Variants in NMNAT3 observed in about 807,000 individuals in gnomAD.
NMNAT3 encodes nicotinamide nucleotide adenylyltransferase 3.
NMNAT3 carries 21 observed loss-of-function variants against 24.8 expected under a neutral mutation model. That is an observed-to-expected ratio of 0.85 (90% confidence interval 0.60 to 1.22). The LOEUF (loss-of-function observed/expected upper bound fraction) is 1.22, where lower values mean the gene tolerates loss of function less well. Ranked by LOEUF, NMNAT3 falls within the 50% of genes most tolerant of loss-of-function variation. The pLI is 0.00. For synonymous variants in NMNAT3, 136 were observed against 155.2 expected, an observed-to-expected ratio of 0.88 and a Z score of 0.92; for missense variants, 387 against 436.6, an observed-to-expected ratio of 0.89 and a Z score of 1.01.
chr3:139,570,133 A>G (rs1457137580), intron 6 of NMNAT3: 1 of 152,152 alleles, frequency 6.6e-6, no homozygotes, highest in South Asian at 2.1e-4. Flanking sequence ...AGTTGATCGC[A>G]TCGGCTCCTG....
chr3:139,567,809 T>G (rs1480106162), intron 6 of NMNAT3: 1 of 152,166 alleles, frequency 6.6e-6, no homozygotes, highest in African/African-American at 2.4e-5. Flanking sequence ...TCTCTTTTTT[T>G]GTTGTGTCTC....
chr3:139,617,075 A>G (rs2055541392), intron 3 of NMNAT3, among the ~76,000 whole-genome samples: 1 of 152,154 alleles, frequency 6.6e-6, no homozygotes, highest in East Asian at 1.9e-4. Context: ...GAAGTACCTC[A>G]TCATTCTCCT....
chr3:139,670,510 A>C (rs1485135878), intron 1 of NMNAT3, among the ~76,000 whole-genome samples: 1 of 152,214 alleles, frequency 6.6e-6, no homozygotes, highest in Non-Finnish European at 1.5e-5. Context: ...GTCCACTTTC[A>C]AATAAACTAC....
chr3:139,596,924 A>G (rs1208750492), intron 3 of NMNAT3, among the ~76,000 whole-genome samples: 553 of 16,936 alleles, frequency 0.033, 33 homozygotes, highest in Middle Eastern at 0.047. Flanking sequence ...GTGTATATAT[A>G]TATATATATA....
chr3:139,656,371 A>T (rs904209734), intron 1 of NMNAT3, among the ~76,000 whole-genome samples: 1 of 152,214 alleles, frequency 6.6e-6, no homozygotes, highest in Non-Finnish European at 1.5e-5. Context: ...AATGAGCTTA[A>T]CAGTTTTGTT....
intron 3 of NMNAT3, among the ~76,000 whole-genome samples, chr3:139,591,628 G>A (rs535048698): frequency 6.6e-5 from 10 of 152,296 alleles, no homozygotes; most frequent in Middle Eastern, 3.4e-3. Context: ...ATCTGAGAAC[G>A]GGCAGACTGC....
At position 139,561,054 on chromosome 3, in the gene NMNAT3, A is replaced by G. The variant is rs1327879414; in HGVS notation, c.997T>C (p.Trp333Arg). 1 of 1,613,748 alleles carries G rather than the reference A, an allele frequency of 6.2e-7. No individual in the cohort carries two copies. Among genetic ancestry groups the G allele is most frequent in the South Asian group, 1.1e-5 (1 of 91,048 alleles). ...GTGCTCTGGGTGCTTTTGCCTTTCC[A>G]GGTACTGCCCTTGGTGTAGAGGCCA... The change falls in exon 7 of 7, where the codon TGG (tryptophan) becomes CGG (arginine). Residue 333 changes from tryptophan (W) to arginine (R), a missense_variant. Trp to Arg is a moderately radical substitution (Grantham distance 101, BLOSUM62 -3). Coordinates refer to ENST00000643695, the MANE Select transcript of NMNAT3 (RefSeq NM_001320510.2).
chr3:139,581,174 C>G (rs1193749728), intron 4 of NMNAT3, among the ~76,000 whole-genome samples: 1 of 152,066 alleles, frequency 6.6e-6, no homozygotes, highest in Non-Finnish European at 1.5e-5. Context: ...CAGGACTACT[C>G]TAGATTAAAA....
intron 2 of NMNAT3, among the ~76,000 whole-genome samples, chr3:139,629,689 A>G (rs2056213172): frequency 6.6e-6 from 1 of 152,172 alleles, no homozygotes; most frequent in Non-Finnish European, 1.5e-5. Context: ...GGCCCATGTT[A>G]TCTCCTTCTC....
intron 1 of NMNAT3, among the ~76,000 whole-genome samples, chr3:139,641,172 A>C (rs2056689964): frequency 6.6e-6 from 1 of 152,176 alleles, no homozygotes; most frequent in South Asian, 2.1e-4. Flanking sequence ...AAGTGTCAAG[A>C]AGCTTGACAC....
At chr3:139,621,654 G>A (rs890181950) in intron 3 of NMNAT3, among the ~76,000 whole-genome samples, 5 of 152,206 alleles carry the variant, frequency 3.3e-5, no homozygotes, top group Non-Finnish European at 7.4e-5. Context: ...TTACAGGCAT[G>A]AGTCACCATG....
chr3:139,669,172 C>G (rs766933718), intron 1 of NMNAT3, among the ~76,000 whole-genome samples: 1 of 152,044 alleles, frequency 6.6e-6, no homozygotes. Flanking sequence ...CGGAGAAAAG[C>G]ATATAAAATG....
chr3:139,651,125 C>G (rs2057042669), intron 1 of NMNAT3, among the ~76,000 whole-genome samples: 1 of 152,128 alleles, frequency 6.6e-6, no homozygotes, highest in Non-Finnish European at 1.5e-5. Flanking sequence ...ATGGAGTTGG[C>G]ATGACATGTT....
chr3:139,563,196 G>T (rs1247827901), intron 6 of NMNAT3, among the ~76,000 whole-genome samples: 3 of 152,178 alleles, frequency 2.0e-5, no homozygotes, highest in Non-Finnish European at 4.4e-5. Context: ...TCACTAATTT[G>T]GGCTGGTCCC....
Position 139,645,566 on chromosome 3 carries a change from T to G in NMNAT3, c.-140-7504A>C, listed in dbSNP as rs1268119088. ...TATCTCATGGTCGCATGACCGCTGT[T>G]GCAGCTCCAGCCATCATACCTGTGC... On this transcript the variant is annotated intron_variant, in intron 1 of 6. Coordinates refer to ENST00000643695, the MANE Select transcript of NMNAT3 (RefSeq NM_001320510.2). Among the ~76,000 whole-genome samples, 3 of 152,264 alleles carry G rather than the reference T, an allele frequency of 2.0e-5. No homozygotes were observed. In the East Asian group the frequency reaches 5.8e-4, roughly 29 times the overall value.
intron 3 of NMNAT3, among the ~76,000 whole-genome samples, chr3:139,622,782 T>C (rs1369345868): frequency 2.1e-5 from 3 of 142,116 alleles, no homozygotes; most frequent in Non-Finnish European, 4.5e-5. Flanking sequence ...ATATATATGA[T>C]ATATATATGA....
At chr3:139,662,378 A>T (rs1190615839) in intron 1 of NMNAT3, among the ~76,000 whole-genome samples, 1 of 152,110 alleles carries the variant, frequency 6.6e-6, no homozygotes. Flanking sequence ...TATGGGGGAG[A>T]AAGACCTGCC....
At chr3:139,661,187 C>G (rs1262035644) in intron 1 of NMNAT3, among the ~76,000 whole-genome samples, 3 of 152,138 alleles carry the variant, frequency 2.0e-5, no homozygotes, top group Non-Finnish European at 2.9e-5. Context: ...AACAAAAGCA[C>G]CTGTGCAACG....
intron 1 of NMNAT3, among the ~76,000 whole-genome samples, chr3:139,676,219 A>G (rs2108473072): frequency 6.6e-6 from 1 of 152,284 alleles, no homozygotes; most frequent in South Asian, 2.1e-4. Flanking sequence ...GTTTTCATGG[A>G]GCACTTTCTT....
Sources: allele counts gnomAD v4.1 joint callset (sites outside exome capture counted in the v4.1 genomes callset), GRCh38; gene constraint gnomAD v4.1.1; transcripts MANE v1.5; gene names NCBI Gene and HGNC (gene_info 2026-07-23, HGNC 2026-07-21).